The following ARID4B variants were observed in gnomAD, a reference collection of about 807,000 sequenced individuals.
ARID4B encodes AT-rich interaction domain 4B.
ARID4B carries 26 observed loss-of-function variants against 147.5 expected under a neutral mutation model. The ratio of observed to expected loss-of-function variants is 0.18; its 90% confidence interval spans 0.13 to 0.24. The LOEUF (loss-of-function observed/expected upper bound fraction) is 0.24. Among genes scored for constraint, ARID4B ranks in the 10% least tolerant of loss-of-function variants. The pLI is 1.00. For synonymous variants in ARID4B, 512 were observed against 507.9 expected (o/e 1.01, Z -0.11); for missense variants, 1,179 against 1,511.5 (o/e 0.78, Z 3.65).
intron 10 of ARID4B, among the ~76,000 whole-genome samples, chr1:235,230,242 T>C (rs1394207813): frequency 6.6e-6 from 1 of 151,882 alleles, no homozygotes; most frequent in Non-Finnish European, 1.5e-5. Flanking sequence ...GGTGAAACTC[T>C]GTCTCTACTA....
At chr1:235,242,173 G>A (rs542862162) in intron 7 of ARID4B, among the ~76,000 whole-genome samples, 6 of 151,934 alleles carry the variant, frequency 3.9e-5, no homozygotes, top group African/African-American at 1.4e-4. Flanking sequence ...GCCTGAACCC[G>A]GGAGGCGGAG....
At chr1:235,173,770 AAATATATATATATATAT>A (rs1319008281) in intron 22 of ARID4B, among the ~76,000 whole-genome samples, 2 of 37,482 alleles carry the variant, frequency 5.3e-5, no homozygotes, top group African/African-American at 3.3e-4. Context: ...AAAAAAAAAA[AAATATATATATATATAT>A]ATATATATAT....
chr1:235,228,684 C>G (rs143693247), intron 11 of ARID4B: 1 of 142,824 alleles, frequency 7.0e-6, no homozygotes, highest in African/African-American at 2.6e-5. Context: ...CTCGCTCTGT[C>G]GCCCAGGCTG....
intron 2 of ARID4B, among the ~76,000 whole-genome samples, chr1:235,295,527 AAAG>A (rs1348431673): frequency 6.6e-6 from 1 of 150,680 alleles, no homozygotes; most frequent in African/African-American, 2.4e-5. Flanking sequence ...TAAAAAAAAA[AAAG>A]GCCAGGCACG....
At position 235,260,726 on chromosome 1, in the gene ARID4B, T is replaced by C. The variant is rs1471537368; in HGVS notation, c.33A>G (p.Thr11=). MKALDEPPYL[T]VGTDVSAKYR... is the part of the protein sequence containing the mutation. The stretch of plus-strand genomic sequence containing the variant: ...ATTTAGCACTCACATCAGTGCCCAC[T>C]GTCAAATAGGGAGGCTCATCAAGGG... Residue 11 remains threonine (T), a synonymous_variant, in exon 3 of 24, where the codon ACA becomes ACG. Coordinates refer to ENST00000264183, the MANE Select transcript of ARID4B (RefSeq NM_016374.6). 4 of 1,610,336 alleles carry C rather than the reference T, an allele frequency of 2.5e-6. No homozygotes were observed. The highest frequency in any genetic ancestry group is 1.1e-5 in the South Asian group (1 of 90,006).
At chr1:235,236,833 A>AAAAATATATATAT (rs1175189621) in intron 8 of ARID4B, among the ~76,000 whole-genome samples, 1 of 33,520 alleles carries the variant, frequency 3.0e-5, no homozygotes, top group Non-Finnish European at 4.7e-5. Flanking sequence ...TTTTATAAAA[A>AAAAATATATATAT]ATATATATAT....
chr1:235,181,709 C>T lies in ARID4B; in HGVS notation c.3210G>A (p.Glu1070=), dbSNP rs766584049. ...GGAGCTCCCCAGCAACACTATCCAC[C>T]TCAATTGTGCTATCAGTTTCACTCT... ...SIKSETDSTI[E]VDSVAGELQD... The change falls in exon 20 of 24, where the codon GAG becomes GAA. Residue 1070 remains glutamate (E), a synonymous_variant. Transcript: ENST00000264183. 3 of 1,614,144 alleles carry T rather than the reference C, an allele frequency of 1.9e-6. No homozygotes were observed. Among genetic ancestry groups the T allele is most frequent in the African/African-American group, 1.3e-5 (1 of 75,048 alleles).
rs1669301660 is a variant in ARID4B, at chr1:235,246,404, A to G, written c.446+16T>C. ...ATGAATTCAGGTTCAACTAACAGTC[A>G]TGAAAATGGACTTACATATGATTAG... On this transcript the variant is annotated intron_variant, in intron 7 of 23. Coordinates refer to ENST00000264183, the MANE Select transcript of ARID4B (RefSeq NM_016374.6). 1 of 1,554,512 alleles carries G rather than the reference A, an allele frequency of 6.4e-7. No homozygotes were observed. The highest frequency in any genetic ancestry group is 8.9e-7 in the Non-Finnish European group (1 of 1,125,752).
intron 2 of ARID4B, among the ~76,000 whole-genome samples, chr1:235,280,470 C>T (rs1314266456): frequency 1.3e-5 from 2 of 152,230 alleles, no homozygotes; most frequent in Non-Finnish European, 2.9e-5. Context: ...GGGGAAGCAT[C>T]GCAAAGAAAT....
chr1:235,199,815 C>T (rs565414033), intron 17 of ARID4B, among the ~76,000 whole-genome samples: 2 of 152,144 alleles, frequency 1.3e-5, no homozygotes, highest in Admixed American at 6.5e-5. Context: ...CCTAATGAGA[C>T]GTTAAATAGC....
At position 235,220,420 on chromosome 1, in the gene ARID4B, T is replaced by C. The variant is rs1034691353; in HGVS notation, c.1289A>G (p.Glu430Gly). The C allele has an allele frequency of 3.1e-6, 5 of 1,612,668 alleles. No individual in the cohort carries two copies. The Admixed American group carries it at 6.7e-5, about 22-fold the overall frequency. The change falls in exon 15 of 24, where the codon GAG becomes GGG. Residue 430 changes from glutamate (E) to glycine (G), a missense_variant. Around this residue, in one of 10 missense-constraint regions of ARID4B, gnomAD observed 204 missense variants for 210.9 expected, o/e 0.97. Transcript: ENST00000264183. ...TTCTTTGATCTCTGTTTCATTTTCC[T>C]CCTTAACTTTTATTTCTTTTACATT... The part of the protein sequence containing the change: ...CENVKEIKVK[E>G]ENETEIKEIK...
intron 2 of ARID4B, among the ~76,000 whole-genome samples, chr1:235,315,986 C>T (rs769958793): frequency 6.6e-6 from 1 of 151,724 alleles, no homozygotes; most frequent in Non-Finnish European, 1.5e-5. Context: ...TCGAGACCAG[C>T]CAACGCAACA....
intron 2 of ARID4B, among the ~76,000 whole-genome samples, chr1:235,272,268 C>A (rs547896469): frequency 1.8e-4 from 28 of 152,244 alleles, no homozygotes; most frequent in African/African-American, 6.7e-4. Context: ...CAACATTTTG[C>A]AAAAGTGACC....
At chr1:235,299,265 G>A (rs1045056598) in intron 2 of ARID4B, among the ~76,000 whole-genome samples, 1 of 152,220 alleles carries the variant, frequency 6.6e-6, no homozygotes, top group African/African-American at 2.4e-5. Context: ...CCAGGCTGGA[G>A]TGCAATGGCG....
intron 2 of ARID4B, among the ~76,000 whole-genome samples, chr1:235,261,821 A>G (rs150584656): frequency 0.01 from 1,551 of 152,328 alleles, 24 homozygotes; most frequent in African/African-American, 0.032. Context: ...GTAATTCCAT[A>G]GCCAAAGGAA....
At position 235,177,152 on chromosome 1, in the gene ARID4B, G is replaced by A. The variant is rs555123483; in HGVS notation, c.3448+648C>T. Among the ~76,000 whole-genome samples, 4 of 152,264 alleles carry A rather than the reference G, an allele frequency of 2.6e-5. No individual in the cohort carries two copies. The East Asian group carries it at 5.8e-4, about 22-fold the overall frequency. The stretch of plus-strand genomic sequence containing the variant: ...GGAATTATAGTTCTAAAGTTATCTT[G>A]ATTGTTATACTTCTATGCTGATTTT... On this transcript the variant is annotated intron_variant, in intron 21 of 23. Coordinates refer to ENST00000264183, the MANE Select transcript of ARID4B (RefSeq NM_016374.6).
At chr1:235,277,231 G>A (rs1359685320) in intron 2 of ARID4B, among the ~76,000 whole-genome samples, 1 of 152,086 alleles carries the variant, frequency 6.6e-6, no homozygotes, top group East Asian at 1.9e-4. Context: ...GGGTGGCAGA[G>A]AGAGACTCTC....
chr1:235,281,558 CAGCTG>C (rs1252872019), intron 2 of ARID4B, among the ~76,000 whole-genome samples: 1 of 151,924 alleles, frequency 6.6e-6, no homozygotes, highest in Non-Finnish European at 1.5e-5. Flanking sequence ...CTCAAAAAAA[CAGCTG>C]AGCGTGGTAG....
chr1:235,174,097 T>C (rs1174259458), intron 22 of ARID4B, among the ~76,000 whole-genome samples: 1 of 151,500 alleles, frequency 6.6e-6, no homozygotes, highest in Admixed American at 6.6e-5. Flanking sequence ...TGGAGTGCAG[T>C]GGCGCAACCT....
Sources: gnomAD v4.1 joint callset for allele counts (sites outside exome capture counted in the v4.1 genomes callset) on GRCh38, gnomAD v4.1.1 for gene constraint, gnomAD v4.1.1 regional missense constraint, MANE v1.5 for transcripts, NCBI Gene and HGNC (gene_info 2026-07-23, HGNC 2026-07-21) for gene names.